The following SPAG16 variants were observed in gnomAD, a reference collection of about 807,000 sequenced individuals.
The protein encoded by SPAG16 is sperm associated antigen 16.
A neutral mutation model predicts 80.4 loss-of-function variants in SPAG16; 86 were observed. The observed-to-expected ratio is 1.07, with a 90% confidence interval of 0.90 to 1.28. SPAG16 has a LOEUF of 1.28. SPAG16 is among the 50% of genes most tolerant of loss of function. SPAG16 has a pLI of 0.00. For missense variants in SPAG16, 870 were observed against 765.3 expected (o/e 1.14, Z -1.61); for synonymous variants, 294 against 265.9 (o/e 1.11, Z -1.03).
chr2:213,464,675 C>T (rs189547216), intron 9 of SPAG16, among the ~76,000 whole-genome samples: 70 of 152,276 alleles, frequency 4.6e-4, no homozygotes, highest in Admixed American at 1.6e-3. Flanking sequence ...TGGGCTCCAG[C>T]GGGGAGACAC....
At chr2:214,054,904 T>C (rs1453993490) in intron 13 of SPAG16, among the ~76,000 whole-genome samples, 2 of 152,186 alleles carry the variant, frequency 1.3e-5, no homozygotes, top group Non-Finnish European at 1.5e-5. Flanking sequence ...AAATAATTTG[T>C]CCCAATCTGG....
chr2:213,458,611 TCACAA>T (rs1055794543), intron 9 of SPAG16, among the ~76,000 whole-genome samples: 1 of 152,156 alleles, frequency 6.6e-6, no homozygotes, highest in Non-Finnish European at 1.5e-5. Flanking sequence ...GTAAGCCTAT[TCACAA>T]CACATTATTT....
At chr2:214,322,805 C>T (rs974688028) in intron 15 of SPAG16, among the ~76,000 whole-genome samples, 1 of 152,148 alleles carries the variant, frequency 6.6e-6, no homozygotes, top group Non-Finnish European at 1.5e-5. Flanking sequence ...GCTATGCCCC[C>T]ATAACCTTAC....
intron 10 of SPAG16, among the ~76,000 whole-genome samples, chr2:213,768,609 C>T (rs1559453378): frequency 6.6e-6 from 1 of 151,898 alleles, no homozygotes. Context: ...CCATTTGTTC[C>T]AAAATGGAAC....
chr2:214,205,017 C>A (rs969937335), intron 15 of SPAG16, among the ~76,000 whole-genome samples: 1 of 152,026 alleles, frequency 6.6e-6, no homozygotes, highest in Non-Finnish European at 1.5e-5. Context: ...TCACTTGAGA[C>A]CAGGAGTTTG....
At position 213,681,672 on chromosome 2, in the gene SPAG16, G is replaced by T. The variant is rs553703822; in HGVS notation, c.1071-180813G>T. Among the ~76,000 whole-genome samples, 9 of 152,230 alleles carry T rather than the reference G, an allele frequency of 5.9e-5. No individual in the cohort carries two copies. The East Asian group carries it at 1.7e-3, about 29-fold the overall frequency. Reference sequence around the variant, plus strand: ...CTAAATAAAGAAGCAGAAATTGAGGGCATGGGTTTCCTCATCAAGGAAAGA... The same window carrying T: ...CTAAATAAAGAAGCAGAAATTGAGGTCATGGGTTTCCTCATCAAGGAAAGA... On this transcript the variant is annotated intron_variant, in intron 10 of 15. Coordinates refer to ENST00000331683, the MANE Select transcript of SPAG16 (RefSeq NM_024532.5).
At chr2:214,268,744 G>GGT (rs56365941) in intron 15 of SPAG16, among the ~76,000 whole-genome samples, 62,024 of 150,056 alleles carry the variant, frequency 0.41, 14,774 homozygotes, top group South Asian at 0.58. Context: ...GCATCTGAAG[G>GGT]GTGTGTGTGT....
intron 15 of SPAG16, among the ~76,000 whole-genome samples, chr2:214,381,859 AGG>A (rs1288254548): frequency 8.5e-5 from 13 of 152,246 alleles, no homozygotes; most frequent in Non-Finnish European, 1.9e-4. Context: ...AATTCAGGTG[AGG>A]ACAAGCAGTT....
intron 11 of SPAG16, among the ~76,000 whole-genome samples, chr2:213,915,686 G>C (rs1425778464): frequency 6.6e-6 from 1 of 151,698 alleles, no homozygotes; most frequent in South Asian, 2.1e-4. Context: ...TGGTTCTGAG[G>C]AATCGCCACA....
At chr2:213,472,268 G>T (rs1409820620) in intron 9 of SPAG16, among the ~76,000 whole-genome samples, 1 of 152,040 alleles carries the variant, frequency 6.6e-6, no homozygotes, top group African/African-American at 2.4e-5. Context: ...AAAGGCATTT[G>T]CCAACTCAAT....
At chr2:213,843,573 G>A (rs936486642) in intron 10 of SPAG16, among the ~76,000 whole-genome samples, 2 of 152,156 alleles carry the variant, frequency 1.3e-5, no homozygotes, top group African/African-American at 4.8e-5. Context: ...CTTCTAGGCC[G>A]GGCGAGGTGG....
At chr2:214,305,932 T>C (rs1445567135) in intron 15 of SPAG16, among the ~76,000 whole-genome samples, 2 of 152,168 alleles carry the variant, frequency 1.3e-5, no homozygotes, top group African/African-American at 2.4e-5. Flanking sequence ...GGTAGTATGA[T>C]AGGAATAGCA....
intron 13 of SPAG16, among the ~76,000 whole-genome samples, chr2:214,080,378 C>CT (rs2051315571): frequency 6.6e-6 from 1 of 151,224 alleles, no homozygotes; most frequent in African/African-American, 2.4e-5. Flanking sequence ...GCAGGCGGAT[C>CT]ACAAGGTCAG....
At position 214,238,274 on chromosome 2, in the gene SPAG16, C is replaced by T. The variant is rs1689214198; in HGVS notation, c.1720+89008C>T. The T allele has an allele frequency of 1.5e-4, 46 of 297,926 alleles. 1 individual carries two copies. Among genetic ancestry groups the T allele is most frequent in the South Asian group, 1.3e-3 (46 of 35,454 alleles). The allele number at this position is 297,926 out of a possible 1,614,324, so 18.5% of individuals were successfully genotyped here. A position where few individuals can be genotyped will look rare whatever the true frequency, so the allele number is the denominator to read the frequency against. ...GATGAGATATTTTATGCCTCGTTTT[C>T]CATCTGCTTGAGTTAGCACCCTTTC... On this transcript the variant is annotated intron_variant, in intron 15 of 15. Transcript: ENST00000331683.
At chr2:213,367,417 T>G (rs1449863194) in intron 8 of SPAG16, among the ~76,000 whole-genome samples, 2 of 152,226 alleles carry the variant, frequency 1.3e-5, no homozygotes, top group African/African-American at 4.8e-5. Context: ...AGTGTAAAAG[T>G]GTTCCTATTT....
intron 15 of SPAG16, among the ~76,000 whole-genome samples, chr2:214,216,488 A>AT (rs1256568076): frequency 1.2e-4 from 18 of 152,122 alleles, no homozygotes; most frequent in African/African-American, 4.1e-4. Flanking sequence ...CGCCCAGCTA[A>AT]TTTTTTGTAT....
chr2:213,292,414 C>T (rs2062313181), intron 1 of SPAG16, among the ~76,000 whole-genome samples: 1 of 151,894 alleles, frequency 6.6e-6, no homozygotes, highest in Non-Finnish European at 1.5e-5. Context: ...CCTGTAATCC[C>T]AGCACTTTGG....
chr2:213,656,291 C>T (rs770263341), intron 10 of SPAG16, among the ~76,000 whole-genome samples: 16 of 152,348 alleles, frequency 1.1e-4, no homozygotes, highest in Non-Finnish European at 1.9e-4. Context: ...CTGCCTCAGC[C>T]TCCGGAGTAG....
At chr2:214,098,391 G>A (rs1308961095) in intron 13 of SPAG16, among the ~76,000 whole-genome samples, 1 of 151,960 alleles carries the variant, frequency 6.6e-6, no homozygotes, top group African/African-American at 2.4e-5. Context: ...GGTCTATAAA[G>A]AGATAATTAA....
Sources: allele counts gnomAD v4.1 joint callset (sites outside exome capture counted in the v4.1 genomes callset), GRCh38; gene constraint gnomAD v4.1.1; transcripts MANE v1.5; gene names NCBI Gene and HGNC (gene_info 2026-07-23, HGNC 2026-07-21).